Variants in FBXL7 observed in about 807,000 individuals in gnomAD.
FBXL7 encodes F-box and leucine rich repeat protein 7.
In FBXL7, 12 loss-of-function variants were observed where a neutral mutation model predicts 38.3. The ratio of observed to expected loss-of-function variants is 0.31; its 90% CI spans 0.20 to 0.51. FBXL7 has a LOEUF of 0.51. FBXL7 is among the 20% of genes least tolerant of loss of function. The pLI, the probability that FBXL7 is intolerant of heterozygous loss-of-function variation, is 0.98. For synonymous variants in FBXL7, 297 were observed against 300.9 expected (o/e 0.99, Z 0.13); for missense variants, 567 against 676.4 (o/e 0.84, Z 1.79).
In FBXL7 at chr5:15,939,349, G is replaced by A; in HGVS notation, c.*2163G>A. On this transcript the variant is annotated 3_prime_UTR_variant, in exon 4 of 4. Transcript: ENST00000504595. The stretch of plus-strand genomic sequence containing the variant: ...TCACAAAGGATTGTCCCTAATCCTT[G>A]GCCCTGGGGTCTTCCGAGTGAGCTG... 3 of 295,262 alleles carry A rather than the reference G, an allele frequency of 1.0e-5. No individual in the cohort carries two copies. The highest frequency in any genetic ancestry group is 1.9e-5 in the Non-Finnish European group (3 of 161,164). 18.3% of individuals were successfully genotyped at this position (295,262 alleles called of 1,614,324 possible).
chr5:15,615,563 C>T (rs972984082), intron 1 of FBXL7, among the ~76,000 whole-genome samples: 3 of 152,294 alleles, frequency 2.0e-5, no homozygotes, highest in African/African-American at 7.2e-5. Flanking sequence ...TTGGAGTTAG[C>T]GGCTCTTGCT....
chr5:15,634,304 T>C (rs1412019441), intron 2 of FBXL7, among the ~76,000 whole-genome samples: 2 of 142,852 alleles, frequency 1.4e-5, no homozygotes, highest in Non-Finnish European at 3.0e-5. Context: ...AAACTTTATA[T>C]GTTCGTTTCT....
At chr5:15,914,874 C>T (rs1300880657) in intron 2 of FBXL7, among the ~76,000 whole-genome samples, 1 of 152,188 alleles carries the variant, frequency 6.6e-6, no homozygotes, top group East Asian at 1.9e-4. Flanking sequence ...CCTCGAAGTG[C>T]TCACAGTATA....
chr5:15,503,359 T>A (rs949849092), intron 1 of FBXL7, among the ~76,000 whole-genome samples: 1 of 152,138 alleles, frequency 6.6e-6, no homozygotes, highest in East Asian at 1.9e-4. Context: ...AGGCGGAGGT[T>A]GCAGTAAGCT....
At chr5:15,541,443 G>GTATA (rs56810372) in intron 1 of FBXL7, among the ~76,000 whole-genome samples, 5,507 of 38,086 alleles carry the variant, frequency 0.14, 544 homozygotes, top group Non-Finnish European at 0.16. Flanking sequence ...GTGTGTGTGT[G>GTATA]TATATATATA....
intron 2 of FBXL7, among the ~76,000 whole-genome samples, chr5:15,688,363 A>G (rs1179479380): frequency 3.3e-5 from 5 of 152,196 alleles, no homozygotes; most frequent in African/African-American, 9.7e-5. Flanking sequence ...GTATTATCCC[A>G]ATTTATAAAT....
intron 2 of FBXL7, among the ~76,000 whole-genome samples, chr5:15,797,436 T>C (rs1019805658): frequency 6.6e-6 from 1 of 152,186 alleles, no homozygotes; most frequent in Non-Finnish European, 1.5e-5. Context: ...TTTGTGAGAA[T>C]AGGAAGAAGG....
chr5:15,904,705 G>A (rs1160261738), intron 2 of FBXL7, among the ~76,000 whole-genome samples: 5 of 151,744 alleles, frequency 3.3e-5, no homozygotes, highest in Admixed American at 2.6e-4. Context: ...TATATATTTG[G>A]CTGTATTTAT....
At chr5:15,782,512 G>A (rs147270818) in intron 2 of FBXL7, among the ~76,000 whole-genome samples, 8,602 of 152,050 alleles carry the variant, frequency 0.057, 255 homozygotes, top group East Asian at 0.1. Context: ...TTTAACAATC[G>A]CCATTCTAAC....
At chr5:15,659,162 T>C (rs747562589) in intron 2 of FBXL7, among the ~76,000 whole-genome samples, 1 of 152,016 alleles carries the variant, frequency 6.6e-6, no homozygotes, top group African/African-American at 2.4e-5. Flanking sequence ...GTTACCCTTA[T>C]AAAAAGTTAA....
At chr5:15,507,733 T>A (rs1011952710) in intron 1 of FBXL7, among the ~76,000 whole-genome samples, 1 of 152,168 alleles carries the variant, frequency 6.6e-6, no homozygotes, top group Non-Finnish European at 1.5e-5. Context: ...ATGACAGGCT[T>A]ATGTCCCAAT....
chr5:15,715,017 CCT>C (rs1743997733), intron 2 of FBXL7, among the ~76,000 whole-genome samples: 1 of 152,052 alleles, frequency 6.6e-6, no homozygotes, highest in African/African-American at 2.4e-5. Context: ...CAGATTCTCC[CCT>C]GAGCCTCTAG....
intron 1 of FBXL7, among the ~76,000 whole-genome samples, chr5:15,576,182 A>C (rs1224686695): frequency 6.8e-6 from 1 of 146,410 alleles, no homozygotes; most frequent in Non-Finnish European, 1.5e-5. Flanking sequence ...TCCTGGGTTC[A>C]AGCAATTCTC....
chr5:15,573,258 G>C (rs1186897691), intron 1 of FBXL7, among the ~76,000 whole-genome samples: 3 of 152,172 alleles, frequency 2.0e-5, no homozygotes, highest in Admixed American at 2.0e-4. Context: ...GAGATGCTGA[G>C]CCTTCCATGT....
At chr5:15,750,422 A>G (rs1362834224) in intron 2 of FBXL7, among the ~76,000 whole-genome samples, 4 of 152,178 alleles carry the variant, frequency 2.6e-5, no homozygotes, top group African/African-American at 7.2e-5. Flanking sequence ...ACTACTTGCT[A>G]TCACACTATC....
At position 15,936,559 on chromosome 5, in the gene FBXL7, C is replaced by T; in HGVS notation, c.849C>T (p.Phe283=). 1 of 1,613,252 alleles carries T rather than the reference C, an allele frequency of 6.2e-7. No homozygotes were observed. Among genetic ancestry groups the T allele is most frequent in the Non-Finnish European group, 8.5e-7 (1 of 1,179,896 alleles). Reference sequence around the variant, plus strand: ...GCTACCTGGACATGACGGACTGCTTCGTGCTGGAGGACGAAGGCCTGCACA... The same window carrying T: ...GCTACCTGGACATGACGGACTGCTTTGTGCTGGAGGACGAAGGCCTGCACA... ...SIRYLDMTDC[F]VLEDEGLHTI... is the part of the protein sequence containing the mutation. Residue 283 remains phenylalanine, a synonymous_variant, in exon 4 of 4, where the codon TTC becomes TTT. Coordinates refer to ENST00000504595, the MANE Select transcript of FBXL7 (RefSeq NM_012304.5). This position sits in a 1 kb window ranked among gnomAD's most constrained non-coding sequence, Gnocchi z 6.0.
intron 1 of FBXL7, among the ~76,000 whole-genome samples, chr5:15,518,737 C>T (rs1028559054): frequency 1.3e-5 from 2 of 152,082 alleles, no homozygotes; most frequent in African/African-American, 4.8e-5. Flanking sequence ...GTTGTTGAGG[C>T]CGGGAGAGTG....
At chr5:15,521,120 A>T (rs1737086868) in intron 1 of FBXL7, among the ~76,000 whole-genome samples, 1 of 152,240 alleles carries the variant, frequency 6.6e-6, no homozygotes, top group Admixed American at 6.5e-5. Context: ...ATCTTGTGCA[A>T]GTTTCTTAAC....
intron 2 of FBXL7, among the ~76,000 whole-genome samples, chr5:15,816,193 G>C (rs942663670): frequency 2.0e-5 from 3 of 151,962 alleles, no homozygotes; most frequent in Non-Finnish European, 2.9e-5. Context: ...CAATTGCAGA[G>C]ATATGAAATG....
Sources: gnomAD v4.1 joint callset for allele counts (sites outside exome capture counted in the v4.1 genomes callset) on GRCh38, gnomAD v4.1.1 for gene constraint, Gnocchi (gnomAD v3.1) non-coding constraint, MANE v1.5 for transcripts, NCBI Gene and HGNC (gene_info 2026-07-23, HGNC 2026-07-21) for gene names.